STXBP5L: variants seen among roughly 807,000 people sequenced by gnomAD.
STXBP5L encodes the protein syntaxin-binding protein 5-like.
A neutral mutation model predicts 144.5 loss-of-function variants in STXBP5L; 65 were observed. The ratio of observed to expected loss-of-function variants is 0.45; its 90% confidence interval spans 0.37 to 0.55. The LOEUF (loss-of-function observed/expected upper bound fraction) is 0.55. Ranked by LOEUF, STXBP5L falls within the 20% of genes least tolerant of loss-of-function variation. STXBP5L has a pLI of 0.00. For synonymous variants in STXBP5L, 505 were observed against 469.6 expected (o/e 1.08, Z -0.97); for missense variants, 1,298 against 1,405.5 (o/e 0.92, Z 1.22).
At chr3:121,232,121 T>A (rs903731596) in intron 11 of STXBP5L, among the ~76,000 whole-genome samples, 3 of 152,202 alleles carry the variant, frequency 2.0e-5, no homozygotes, top group Admixed American at 6.5e-5. Flanking sequence ...CCTTCAGGGT[T>A]TGCTGAGTGG....
intron 14 of STXBP5L, among the ~76,000 whole-genome samples, 164 bp from the exon 15 acceptor site, chr3:121,250,559 C>T (rs1169658453): frequency 1.3e-5 from 2 of 151,898 alleles, no homozygotes; most frequent in Admixed American, 1.3e-4. Flanking sequence ...AAGAAATGAG[C>T]CATTGTTTTA....
chr3:121,029,488 G>A (rs1187131097), intron 3 of STXBP5L, among the ~76,000 whole-genome samples: 2 of 151,968 alleles, frequency 1.3e-5, no homozygotes, highest in African/African-American at 2.4e-5. Context: ...ATGCAGAAAA[G>A]TGAAACTGGA....
In STXBP5L at chr3:120,969,394, G is replaced by A. The variant is rs1030027415; in HGVS notation, c.287+14357G>A. Among the ~76,000 whole-genome samples the A allele has an allele frequency of 4.1e-4, 39 of 95,342 alleles. 1 individual carries two copies. Among genetic ancestry groups the A allele is most frequent in the African/African-American group, 1.2e-3 (36 of 30,112 alleles). 62.5% of individuals were successfully genotyped at this position (95,342 alleles called of 152,430 possible). A position where few individuals can be genotyped will look rare whatever the true frequency, so the allele number is the denominator to read the frequency against. On this transcript the variant is annotated intron_variant, in intron 3 of 26. Coordinates refer to ENST00000471454, the MANE Select transcript of STXBP5L (RefSeq NM_001308330.2). ...TGCTCATTTTTCGATGGGATTATTT[G>A]TGTTTTTTTTTTTTTTTCTTGTTAA...
At chr3:121,380,991 T>C (rs1239896121) in intron 21 of STXBP5L, among the ~76,000 whole-genome samples, 6 of 152,122 alleles carry the variant, frequency 3.9e-5, no homozygotes, top group Admixed American at 3.9e-4. Context: ...AAATCTTTTC[T>C]CTAGGTAAAA....
intron 20 of STXBP5L, among the ~76,000 whole-genome samples, chr3:121,331,018 G>C (rs935402139): frequency 1.3e-5 from 2 of 152,186 alleles, no homozygotes; most frequent in African/African-American, 4.8e-5. Flanking sequence ...CCATCCTGAA[G>C]CGTGGCAGCC....
At chr3:120,991,217 G>A (rs1230354473) in intron 3 of STXBP5L, among the ~76,000 whole-genome samples, 6 of 148,884 alleles carry the variant, frequency 4.0e-5, no homozygotes, top group African/African-American at 1.5e-4. Context: ...GCAGCCAAAA[G>A]ACACATGAAA....
At chr3:121,347,274 A>C (rs141802693) in intron 20 of STXBP5L, among the ~76,000 whole-genome samples, 1 of 151,930 alleles carries the variant, frequency 6.6e-6, no homozygotes, top group African/African-American at 2.4e-5. Flanking sequence ...GATATGTGGC[A>C]TTATTTCTGA....
rs1576388759 is a variant in STXBP5L, at chr3:121,421,987, T to G, written c.*2890T>G. 2 of 152,292 alleles carry G rather than the reference T, an allele frequency of 1.3e-5. No individual in the cohort carries two copies. The highest frequency in any genetic ancestry group is 3.9e-4 in the East Asian group (2 of 5,190). The allele number at this position is 152,292 out of a possible 1,614,324, so 9.4% of individuals were successfully genotyped here. On this transcript the variant is annotated 3_prime_UTR_variant, in exon 27 of 27. Coordinates refer to ENST00000471454, the MANE Select transcript of STXBP5L (RefSeq NM_001308330.2). ...GGAATCCAAATTAATGAGGTTTTAC[T>G]GTATCAAAATTATTTTTATAATTCA...
intron 3 of STXBP5L, among the ~76,000 whole-genome samples, chr3:121,021,452 C>A (rs1026742804): frequency 6.6e-6 from 1 of 152,168 alleles, no homozygotes; most frequent in African/African-American, 2.4e-5. Context: ...TACCCAACAA[C>A]TGCAGAATAT....
At chr3:121,161,177 G>T (rs185301353) in intron 9 of STXBP5L, among the ~76,000 whole-genome samples, 1 of 149,814 alleles carries the variant, frequency 6.7e-6, no homozygotes, top group African/African-American at 2.4e-5. Context: ...TGTAGGCCTA[G>T]TGGAAATGAA....
chr3:121,046,429 G>A (rs1947520601), intron 5 of STXBP5L, among the ~76,000 whole-genome samples: 1 of 152,124 alleles, frequency 6.6e-6, no homozygotes, highest in Admixed American at 6.6e-5. Flanking sequence ...GTTTCAGTTA[G>A]AATGGTACAA....
chr3:121,363,363 A>T (rs760039136), intron 20 of STXBP5L, among the ~76,000 whole-genome samples: 1 of 152,104 alleles, frequency 6.6e-6, no homozygotes, highest in Non-Finnish European at 1.5e-5. Context: ...CTGTCTTTCA[A>T]ATTTATTTGG....
intron 22 of STXBP5L, among the ~76,000 whole-genome samples, chr3:121,400,315 G>A (rs775392787): frequency 4.6e-5 from 7 of 152,150 alleles, no homozygotes; most frequent in African/African-American, 9.7e-5. Context: ...ATACATAGAG[G>A]TGGTCGGGGT....
At chr3:121,141,602 G>A (rs2045508256) in intron 7 of STXBP5L, among the ~76,000 whole-genome samples, 1 of 152,118 alleles carries the variant, frequency 6.6e-6, no homozygotes, top group South Asian at 2.1e-4. Flanking sequence ...CACCATATAA[G>A]TAGATGAAAA....
chr3:121,182,247 T>A (rs375358547), intron 9 of STXBP5L, among the ~76,000 whole-genome samples: 37 of 152,092 alleles, frequency 2.4e-4, no homozygotes, highest in African/African-American at 8.9e-4. Context: ...TGGAACATTC[T>A]CCAAGATAGA....
intron 20 of STXBP5L, among the ~76,000 whole-genome samples, chr3:121,373,496 C>T (rs2046093174): frequency 6.6e-6 from 1 of 152,172 alleles, no homozygotes; most frequent in African/African-American, 2.4e-5. Context: ...CGCCCTGGTG[C>T]CCAATGACTC....
chr3:120,974,004 G>T (rs549107497), intron 3 of STXBP5L, among the ~76,000 whole-genome samples: 1 of 152,074 alleles, frequency 6.6e-6, no homozygotes, highest in Non-Finnish European at 1.5e-5. Context: ...ATAAACATAC[G>T]TGTGCATGTG....
At chr3:121,255,213 G>C (rs1487329027) in intron 16 of STXBP5L, 101 bp downstream of exon 16, 1 of 768,824 alleles carries the variant, frequency 1.3e-6, no homozygotes, top group African/African-American at 1.8e-5. Flanking sequence ...GAAGTGTGCA[G>C]TATGTGGCTA....
intron 3 of STXBP5L, among the ~76,000 whole-genome samples, chr3:120,970,167 T>C (rs1269799879): frequency 2.0e-5 from 3 of 152,142 alleles, no homozygotes; most frequent in Non-Finnish European, 4.4e-5. Context: ...GTAGTAATTA[T>C]TGATTTTAAT....
Sources: gnomAD v4.1 joint callset for allele counts (sites outside exome capture counted in the v4.1 genomes callset) on GRCh38, gnomAD v4.1.1 for gene constraint, MANE v1.5 for transcripts, NCBI Gene and HGNC (gene_info 2026-07-23, HGNC 2026-07-21) for gene names.